The following SATB2 variants were observed in gnomAD, a reference collection of about 807,000 sequenced individuals.
SATB2 encodes the protein SATB homeobox 2.
SATB2 carries 1 observed loss-of-function variant against 73.4 expected under a neutral mutation model. That is an observed-to-expected ratio of 0.01 (90% CI 0.00 to 0.06). The LOEUF (loss-of-function observed/expected upper bound fraction) is 0.06, where lower values mean the gene tolerates loss of function less well. Ranked by LOEUF, SATB2 falls within the 10% of genes least tolerant of loss-of-function variation. The pLI, the probability that SATB2 is intolerant of heterozygous loss-of-function variation, is 1.00. For synonymous variants in SATB2, 397 were observed against 367.0 expected (o/e 1.08, Z -0.93); for missense variants, 459 against 945.8 (o/e 0.49, Z 6.75).
intron 10 of SATB2, among the ~76,000 whole-genome samples, chr2:199,306,376 T>G (rs1283606056): frequency 6.6e-6 from 1 of 152,224 alleles, no homozygotes; most frequent in African/African-American, 2.4e-5. Context: ...TGTGACGTGC[T>G]GATGAGTTTC....
chr2:199,287,456 A>G (rs1441312300), intron 10 of SATB2, among the ~76,000 whole-genome samples: 1 of 152,180 alleles, frequency 6.6e-6, no homozygotes, highest in Non-Finnish European at 1.5e-5. Flanking sequence ...TAAAGCACCA[A>G]AGAGTCAGAA....
chr2:199,377,929 A>G (rs531243869), intron 5 of SATB2, among the ~76,000 whole-genome samples: 2 of 152,308 alleles, frequency 1.3e-5, no homozygotes, highest in Non-Finnish European at 2.9e-5. Context: ...AAACCATGAG[A>G]GCAGAGAGTG....
At chr2:199,330,985 TTA>T (rs1263095685) in intron 7 of SATB2, among the ~76,000 whole-genome samples, 1 of 152,148 alleles carries the variant, frequency 6.6e-6, no homozygotes, top group Non-Finnish European at 1.5e-5. Flanking sequence ...ATAAATTTGT[TTA>T]GTTATTATGA....
chr2:199,436,028 G>C (rs1270599875), intron 2 of SATB2, among the ~76,000 whole-genome samples: 1 of 152,098 alleles, frequency 6.6e-6, no homozygotes, highest in Non-Finnish European at 1.5e-5. Context: ...CATAAGTTTC[G>C]ATGCTGAAAA....
intron 2 of SATB2, among the ~76,000 whole-genome samples, chr2:199,437,633 C>T (rs532967255): frequency 6.6e-6 from 1 of 152,288 alleles, no homozygotes; most frequent in East Asian, 1.9e-4. Flanking sequence ...CTCTCTGAAG[C>T]TCCAATTCCT....
intron 10 of SATB2, among the ~76,000 whole-genome samples, chr2:199,302,730 T>C (rs900166379): frequency 6.6e-6 from 1 of 152,196 alleles, no homozygotes; most frequent in Non-Finnish European, 1.5e-5. Context: ...AATTAGTTTA[T>C]TTGTTTCCCT....
chr2:199,391,812 A>G (rs1396318417), intron 3 of SATB2, among the ~76,000 whole-genome samples: 2 of 152,182 alleles, frequency 1.3e-5, no homozygotes, highest in Non-Finnish European at 2.9e-5. Flanking sequence ...GCCCCAAAAA[A>G]TATTCAGCAA....
upstream of SATB2, among the ~76,000 whole-genome samples, chr2:199,468,624 G>T (rs1304452836): frequency 6.6e-6 from 1 of 152,234 alleles, no homozygotes; most frequent in Admixed American, 6.5e-5. Flanking sequence ...TAGACTAAGT[G>T]AATGAATCCA....
chr2:199,305,890 C>T (rs1337055044), intron 10 of SATB2, among the ~76,000 whole-genome samples: 2 of 152,104 alleles, frequency 1.3e-5, no homozygotes, highest in Non-Finnish European at 1.5e-5. Flanking sequence ...AGAGGACTTA[C>T]GTGTTTTTTA....
chr2:199,354,362 A>G (rs1688911243), intron 6 of SATB2, among the ~76,000 whole-genome samples: 1 of 152,150 alleles, frequency 6.6e-6, no homozygotes, highest in Admixed American at 6.5e-5. Context: ...TCTCAAAAAT[A>G]AATAAATAAA....
intron 6 of SATB2, among the ~76,000 whole-genome samples, chr2:199,358,779 A>G (rs892820565): frequency 3.9e-5 from 6 of 152,154 alleles, no homozygotes; most frequent in Non-Finnish European, 5.9e-5. Context: ...TCAAATGTGG[A>G]CACCTCTGTT....
At chr2:199,385,610 G>T (rs539872842) in intron 3 of SATB2, among the ~76,000 whole-genome samples, 6 of 152,182 alleles carry the variant, frequency 3.9e-5, no homozygotes, top group Non-Finnish European at 7.3e-5. Context: ...ATTCAGAAGG[G>T]ATGGGTTATC....
intron 7 of SATB2, chr2:199,329,112 C>T (rs1007954316): frequency 1.6e-6 from 1 of 621,364 alleles, no homozygotes; most frequent in Non-Finnish European, 2.9e-6. Context: ...TAGGACTGTT[C>T]TATTCTGACA....
intron 6 of SATB2, among the ~76,000 whole-genome samples, chr2:199,359,187 A>C (rs2105838239): frequency 6.6e-6 from 1 of 152,258 alleles, no homozygotes; most frequent in Non-Finnish European, 1.5e-5. Context: ...ATCAAAGAAA[A>C]CAATCAATTC....
intron 10 of SATB2, among the ~76,000 whole-genome samples, chr2:199,292,457 C>T (rs913201992): frequency 3.3e-5 from 5 of 152,188 alleles, no homozygotes; most frequent in South Asian, 2.1e-4. Context: ...AATTCCCCAA[C>T]CCTGATGTGG....
chr2:199,450,396 A>G (rs1172448737), intron 2 of SATB2, among the ~76,000 whole-genome samples: 1 of 152,182 alleles, frequency 6.6e-6, no homozygotes, highest in African/African-American at 2.4e-5. Context: ...TAAGGAAGAT[A>G]GTAAAAATTA....
At chr2:199,283,655 T>C (rs1692598829) in intron 10 of SATB2, among the ~76,000 whole-genome samples, 1 of 150,450 alleles carries the variant, frequency 6.6e-6, no homozygotes, top group Admixed American at 6.6e-5. Context: ...TGGTGGGAAA[T>C]GCTGGCCTGC....
chr2:199,374,309 A>G (rs886278255), intron 5 of SATB2, among the ~76,000 whole-genome samples: 1 of 152,198 alleles, frequency 6.6e-6, no homozygotes, highest in African/African-American at 2.4e-5. Flanking sequence ...AACCAGCACA[A>G]AATAAATGTT....
chr2:199,361,337 C>A (rs1476775731), intron 6 of SATB2, among the ~76,000 whole-genome samples: 1 of 151,988 alleles, frequency 6.6e-6, no homozygotes, highest in Non-Finnish European at 1.5e-5. Context: ...TACTTACTCT[C>A]ACCAAGTCTC....
Sources: gnomAD v4.1 joint callset for allele counts (sites outside exome capture counted in the v4.1 genomes callset) on GRCh38, gnomAD v4.1.1 for gene constraint, MANE v1.5 for transcripts, NCBI Gene and HGNC (gene_info 2026-07-23, HGNC 2026-07-21) for gene names.